Variants in CTNNA2 observed in about 807,000 individuals in gnomAD.
CTNNA2 encodes catenin alpha 2, also known as catenin alpha-2.
In CTNNA2, 42 loss-of-function variants were observed where a neutral mutation model predicts 101.0. That is an observed-to-expected ratio of 0.42 (90% CI 0.32 to 0.54). The LOEUF (loss-of-function observed/expected upper bound fraction) is 0.54, where lower values mean the gene tolerates loss of function less well. Ranked by LOEUF, CTNNA2 falls within the 20% of genes least tolerant of loss-of-function variation. The probability of loss-of-function intolerance (pLI) is 0.14; values close to 1 mark genes in which losing one functional copy is unlikely to be tolerated. For missense variants in CTNNA2, 871 were observed against 1,223.1 expected (o/e 0.71, Z 4.29); for synonymous variants, 450 against 456.4 (o/e 0.99, Z 0.18).
rs544902762 is a variant in CTNNA2, at chr2:79,459,362, TAGA to T, written c.-134-45691_-134-45689del. On this transcript the variant is annotated intron_variant, in intron 4 of 21. Transcript: ENST00000466387. The stretch of plus-strand genomic sequence containing the variant: ...ATTTTTAGGAAAAAATAGTTTCAAA[TAGA>T]GGAATATGCAAGTATTGTAAGTAAA... 2.0e-5 allele frequency among the ~76,000 whole-genome samples: 3 copies of T among 152,058 alleles called. No homozygotes were observed. In the East Asian group the frequency reaches 5.8e-4, roughly 29 times the overall value.
intron 7 of CTNNA2, among the ~76,000 whole-genome samples, chr2:80,274,458 G>A (rs897027681): frequency 5.9e-5 from 9 of 152,194 alleles, no homozygotes; most frequent in Admixed American, 5.9e-4. Context: ...CATATACACA[G>A]TGTATTATGA....
At chr2:79,875,954 C>A (rs1466373350) in intron 6 of CTNNA2, among the ~76,000 whole-genome samples, 5 of 151,970 alleles carry the variant, frequency 3.3e-5, no homozygotes, top group African/African-American at 1.2e-4. Context: ...GAGATATTCA[C>A]AAAACAAATA....
At chr2:80,065,112 A>G (rs1360294752) in intron 7 of CTNNA2, among the ~76,000 whole-genome samples, 1 of 152,186 alleles carries the variant, frequency 6.6e-6, no homozygotes, top group Non-Finnish European at 1.5e-5. Context: ...ACTTATGGCC[A>G]GTATGATGGG....
At chr2:80,324,096 G>T (rs1678997140) in intron 7 of CTNNA2, among the ~76,000 whole-genome samples, 2 of 152,110 alleles carry the variant, frequency 1.3e-5, no homozygotes, top group African/African-American at 4.8e-5. Flanking sequence ...CCATTATTCA[G>T]GCTGCTGTTT....
chr2:80,580,835 T>G (rs2149716593), intron 13 of CTNNA2, among the ~76,000 whole-genome samples: 1 of 152,156 alleles, frequency 6.6e-6, no homozygotes, highest in African/African-American at 2.4e-5. Context: ...GCCAACGTGG[T>G]GAAACCTTGT....
Position 80,193,358 on chromosome 2 carries a change from A to G in CTNNA2, c.1057-199853A>G, listed in dbSNP as rs147049678. ...GTAGGTGTAATAGAAGCAAGCTTGA[A>G]ATGGCAATCGGTATATTTGGGTTCT... On this transcript the variant is annotated intron_variant, in intron 7 of 18. Transcript: ENST00000402739. Among the ~76,000 whole-genome samples the G allele has an allele frequency of 1.4e-3, 211 of 152,278 alleles. 1 individual carries two copies. The highest frequency in any genetic ancestry group is 4.7e-3 in the African/African-American group (197 of 41,552).
At chr2:79,420,933 G>C (rs1041267959) in intron 4 of CTNNA2, among the ~76,000 whole-genome samples, 8 of 152,074 alleles carry the variant, frequency 5.3e-5, no homozygotes, top group Non-Finnish European at 1.2e-4. Context: ...TGTCTAAACT[G>C]ATAAGTAACT....
At chr2:79,345,659 G>A (rs1462477329) in intron 3 of CTNNA2, among the ~76,000 whole-genome samples, 4 of 151,956 alleles carry the variant, frequency 2.6e-5, no homozygotes, top group Admixed American at 2.6e-4. Context: ...GTAAAAAATT[G>A]TGGGGTTTTT....
At chr2:79,786,213 A>G (rs991776471) in intron 3 of CTNNA2, among the ~76,000 whole-genome samples, 1 of 152,170 alleles carries the variant, frequency 6.6e-6, no homozygotes, top group Non-Finnish European at 1.5e-5. Context: ...GAAAAGCAGA[A>G]TAAAGAATAG....
chr2:80,151,652 A>G (rs544029389), intron 7 of CTNNA2, among the ~76,000 whole-genome samples: 1 of 152,270 alleles, frequency 6.6e-6, no homozygotes, highest in East Asian at 1.9e-4. Context: ...TCTCACCGTA[A>G]GCCCACATAG....
chr2:80,244,429 C>T (rs908150381), intron 7 of CTNNA2, among the ~76,000 whole-genome samples: 1 of 152,200 alleles, frequency 6.6e-6, no homozygotes, highest in Non-Finnish European at 1.5e-5. Flanking sequence ...CCCATAGGCT[C>T]ACTACCTCCT....
In CTNNA2 at chr2:80,589,482, C is replaced by A; in HGVS notation, c.2186C>A (p.Thr729Lys). ...ATCATGATGGAAATGACAGACTTCA[C>A]AAGGTGAGGCCCAGAGCCAGGGAGC... ...CMIMMEMTDF[T>K]RGKGPLKNTS... Residue 729 changes from threonine (T) to lysine (K), a missense_variant, in exon 15 of 19, where the codon ACA becomes AAA. By Grantham distance (78) the Thr-to-Lys change is moderately conservative. Coordinates refer to ENST00000402739, the MANE Select transcript of CTNNA2 (RefSeq NM_001282597.3). 6.2e-7 allele frequency: 1 copy of A among 1,613,112 alleles called. No homozygotes were observed. Among genetic ancestry groups the A allele is most frequent in the Non-Finnish European group, 8.5e-7 (1 of 1,179,270 alleles).
intron 3 of CTNNA2, among the ~76,000 whole-genome samples, chr2:79,325,530 A>G (rs927450193): frequency 2.0e-5 from 3 of 152,374 alleles, no homozygotes; most frequent in East Asian, 3.9e-4. Flanking sequence ...TTATAAAACA[A>G]GATAGTCACT....
At chr2:79,925,263 T>C (rs1438618542) in intron 7 of CTNNA2, among the ~76,000 whole-genome samples, 3 of 152,242 alleles carry the variant, frequency 2.0e-5, no homozygotes, top group East Asian at 1.9e-4. Context: ...GTCTTTTTAA[T>C]CCTTAGAACT....
At chr2:80,330,543 C>G (rs372540039) in intron 7 of CTNNA2, among the ~76,000 whole-genome samples, 1 of 146,200 alleles carries the variant, frequency 6.8e-6, no homozygotes, top group South Asian at 2.2e-4. Context: ...ATAAATTATT[C>G]TTAGCCATTG....
chr2:80,241,110 A>G (rs1670898117), intron 7 of CTNNA2, among the ~76,000 whole-genome samples: 1 of 152,134 alleles, frequency 6.6e-6, no homozygotes, highest in African/African-American at 2.4e-5. Context: ...GTCCTATTCA[A>G]TCTGCCTTCA....
chr2:79,488,694 C>T (rs918640660), intron 4 of CTNNA2, among the ~76,000 whole-genome samples: 20 of 152,182 alleles, frequency 1.3e-4, no homozygotes, highest in Non-Finnish European at 2.6e-4. Flanking sequence ...TTCCACTGGG[C>T]TCTTCTCAAT....
intron 3 of CTNNA2, among the ~76,000 whole-genome samples, chr2:79,758,273 C>A (rs1015703269): frequency 6.6e-6 from 1 of 152,072 alleles, no homozygotes; most frequent in African/African-American, 2.4e-5. Context: ...TGAATAAAAA[C>A]CAGATAAGAT....
chr2:80,370,255 T>G (rs1441253724), intron 7 of CTNNA2, among the ~76,000 whole-genome samples: 1 of 144,590 alleles, frequency 6.9e-6, no homozygotes, highest in Non-Finnish European at 1.6e-5. Context: ...ATTTGAGTGG[T>G]GTGTGTGTGT....
Sources: gnomAD v4.1 joint callset for allele counts (sites outside exome capture counted in the v4.1 genomes callset) on GRCh38, gnomAD v4.1.1 for gene constraint, MANE v1.5 for transcripts, NCBI Gene and HGNC (gene_info 2026-07-23, HGNC 2026-07-21) for gene names.